Variants in RRN3 observed in about 807,000 individuals in gnomAD.
RRN3 encodes the protein RNA polymerase I-specific transcription initiation factor RRN3.
Under a neutral mutation model 82.3 loss-of-function variants are expected in RRN3, and 38 were observed. The observed-to-expected ratio is 0.46, with a 90% CI of 0.36 to 0.61. The LOEUF (loss-of-function observed/expected upper bound fraction) is 0.61. Ranked by LOEUF, RRN3 falls within the 20% of genes least tolerant of loss-of-function variation. The pLI is 0.00. For missense variants in RRN3, 726 were observed against 793.1 expected (o/e 0.92, Z 1.02); for synonymous variants, 284 against 284.3 (o/e 1.00, Z 0.01).
At chr16:15,063,070 T>C in intron 17 of RRN3, 126 bp downstream of exon 17, 2 of 760,432 alleles carry the variant, frequency 2.6e-6, no homozygotes, top group Admixed American at 4.1e-5. Flanking sequence ...TCTCCAGCAA[T>C]CCTCTGGCCT....
rs1010052322 is a variant in RRN3, at chr16:15,076,288, A to C, written c.858+270T>G. 4 of 592,484 alleles carry C rather than the reference A, an allele frequency of 6.8e-6. No homozygotes were observed. The African/African-American group carries it at 7.4e-5, about 11-fold the overall frequency. The allele number at this position is 592,484 out of a possible 1,614,324, so 36.7% of individuals were successfully genotyped here. ...TTCTATTAACCACGCCCTCACAGAC[A>C]GCATCTGGCTTACAAAAACAAACAC... On this transcript the variant is annotated intron_variant, in intron 10 of 17. Transcript: ENST00000198767.
At chr16:15,068,370 A>C (rs2045070535) in intron 14 of RRN3, 93 bp from the exon 15 acceptor site, 1 of 1,431,858 alleles carries the variant, frequency 7.0e-7, no homozygotes, top group Non-Finnish European at 9.3e-7. Flanking sequence ...ACACATTTAA[A>C]AAAAACTTTA....
At chr16:15,091,227 C>G (rs2046119174) in intron 3 of RRN3, 88 bp downstream of exon 3, 1 of 1,534,054 alleles carries the variant, frequency 6.5e-7, no homozygotes, top group Non-Finnish European at 8.9e-7. Context: ...AGAGCAAGTT[C>G]TGGAGGACAG....
rs574538843 is a variant in RRN3, at chr16:15,089,041, G to A, written c.252+2274C>T. On this transcript the variant is annotated intron_variant, in intron 3 of 17. Transcript: ENST00000198767. ...GTCTAGGCCGGGTGGAGTGGCTCAC[G>A]TCTATAATCCCAGCACTTTGGGAGG... 2.0e-5 allele frequency among the ~76,000 whole-genome samples: 3 copies of A among 152,260 alleles called. No individual in the cohort carries two copies. In the South Asian group the frequency reaches 6.2e-4, roughly 32 times the overall value.
chr16:15,085,586 G>T, intron 6 of RRN3, 53 bp downstream of exon 6: 2 of 1,594,362 alleles, frequency 1.3e-6, no homozygotes, highest in Non-Finnish European at 1.7e-6. Flanking sequence ...CCAAAGTGCT[G>T]GGATTATGGG....
rs759923851 is a variant in RRN3, at chr16:15,094,133, C to A, written c.89+12G>T. On this transcript the variant is annotated intron_variant, in intron 1 of 17. Coordinates refer to ENST00000198767, the MANE Select transcript of RRN3 (RefSeq NM_018427.5). ...GTCCCAGATACGCAGAAGGAAGCGG[C>A]CTGAATCTTACCCAGTCCTCGACGC... The A allele has an allele frequency of 2.5e-6, 4 of 1,588,674 alleles. No homozygotes were observed. The highest frequency in any genetic ancestry group is 3.6e-5 in the Admixed American group (2 of 56,312).
chr16:15,079,298 G>C (rs1270937705), intron 9 of RRN3, among the ~76,000 whole-genome samples: 1 of 152,132 alleles, frequency 6.6e-6, no homozygotes, highest in Non-Finnish European at 1.5e-5. Flanking sequence ...GCACCTTAGT[G>C]CGGGCCTCCT....
At chr16:15,065,768 T>C (rs1439443655) in intron 15 of RRN3, among the ~76,000 whole-genome samples, 2 of 152,098 alleles carry the variant, frequency 1.3e-5, no homozygotes, top group African/African-American at 4.8e-5. Flanking sequence ...AGAAGGTTGG[T>C]GGTAAAGGGA....
intron 8 of RRN3, among the ~76,000 whole-genome samples, chr16:15,080,835 A>AG (rs2045667555): frequency 6.7e-6 from 1 of 149,002 alleles, no homozygotes; most frequent in Non-Finnish European, 1.5e-5. Context: ...TGCCTCTTTG[A>AG]CATTTCATAT....
intron 10 of RRN3, among the ~76,000 whole-genome samples, chr16:15,075,458 T>A (rs1247057652): frequency 6.6e-6 from 1 of 151,506 alleles, no homozygotes; most frequent in Non-Finnish European, 1.5e-5. Context: ...TAGTCCCAGC[T>A]ACTCGGGGAG....
intron 12 of RRN3, 95 bp downstream of exon 12, chr16:15,072,855 T>C (rs2045294780): frequency 1.6e-6 from 2 of 1,245,730 alleles, no homozygotes; most frequent in Admixed American, 2.2e-5. Flanking sequence ...AAAAGAATTA[T>C]TTACTTCATG....
intron 10 of RRN3, among the ~76,000 whole-genome samples, chr16:15,075,313 T>C (rs559677113): frequency 6.7e-6 from 1 of 148,852 alleles, no homozygotes; most frequent in African/African-American, 2.5e-5. Context: ...GGCTCACGCC[T>C]ATAATTACCA....
chr16:15,085,287 T>C (rs544677551), intron 6 of RRN3, among the ~76,000 whole-genome samples: 17 of 152,072 alleles, frequency 1.1e-4, no homozygotes, highest in African/African-American at 2.6e-4. Flanking sequence ...TTTGTTGCAG[T>C]CTACTTATTA....
chr16:15,087,133 C>G (rs1464283854), intron 3 of RRN3, among the ~76,000 whole-genome samples: 2 of 152,028 alleles, frequency 1.3e-5, no homozygotes, highest in East Asian at 1.9e-4. Flanking sequence ...TGCATATATA[C>G]TGCACAGGAA....
At chr16:15,091,841 G>A (rs1383599149) in intron 2 of RRN3, among the ~76,000 whole-genome samples, 1 of 152,110 alleles carries the variant, frequency 6.6e-6, no homozygotes, top group Non-Finnish European at 1.5e-5. Context: ...TCAGAGAACT[G>A]GTTTACTGTC....
intron 6 of RRN3, 47 bp from the exon 7 acceptor site, chr16:15,084,752 G>T (rs775307362): frequency 7.5e-7 from 1 of 1,332,388 alleles, no homozygotes; most frequent in Non-Finnish European, 1.1e-6. Flanking sequence ...CAAAACTGAA[G>T]GGCGACACGC....
chr16:15,083,593 A>G lies in RRN3; in HGVS notation c.597-11T>C. 2 of 1,595,298 alleles carry G rather than the reference A, an allele frequency of 1.3e-6. No homozygotes were observed. The highest frequency in any genetic ancestry group is 1.7e-6 in the Non-Finnish European group (2 of 1,174,148). On this transcript the variant is annotated splice_polypyrimidine_tract_variant and intron_variant, in intron 7 of 17. Transcript: ENST00000198767. The stretch of plus-strand genomic sequence containing the variant: ...AGAAACCACGGTGTCCTATTTTTAA[A>G]AAATTAAATCAATCCATGTTAACTT...
In RRN3 at chr16:15,061,990, C is replaced by T. The variant is rs565921791; in HGVS notation, c.1795-85G>A. ...AATTCCTTCCTCAGGAAGGTGTTAA[C>T]GTTTGTAAAGATGGTGAAGAAAATA... On this transcript the variant is annotated intron_variant, in intron 17 of 17. Transcript: ENST00000198767. 35 of 1,324,470 alleles carry T rather than the reference C, an allele frequency of 2.6e-5. No individual in the cohort carries two copies. In the Admixed American group the frequency reaches 4.3e-4, roughly 16 times the overall value. 82.0% of individuals were successfully genotyped at this position (1,324,470 alleles called of 1,614,324 possible). A position where few individuals can be genotyped will look rare whatever the true frequency, so the allele number is the denominator to read the frequency against.
intron 3 of RRN3, among the ~76,000 whole-genome samples, chr16:15,089,561 G>A (rs1454008446): frequency 6.6e-6 from 1 of 152,122 alleles, no homozygotes; most frequent in East Asian, 1.9e-4. Flanking sequence ...AGCACTTTGG[G>A]AGGCCAAGGC....
Sources: gnomAD v4.1 joint callset for allele counts (sites outside exome capture counted in the v4.1 genomes callset) on GRCh38, gnomAD v4.1.1 for gene constraint, MANE v1.5 for transcripts, NCBI Gene and HGNC (gene_info 2026-07-23, HGNC 2026-07-21) for gene names.